Variants in RNLS observed in about 807,000 individuals in gnomAD.
RNLS encodes renalase.
RNLS carries 39 observed loss-of-function variants against 39.8 expected under a neutral mutation model. The observed-to-expected ratio is 0.98, with a 90% CI of 0.76 to 1.28. The LOEUF (loss-of-function observed/expected upper bound fraction) is 1.28. Ranked by LOEUF, RNLS falls within the 50% of genes most tolerant of loss-of-function variation. The pLI is 0.00. For synonymous variants in RNLS, 147 were observed against 150.7 expected, an observed-to-expected ratio of 0.98 and a Z score of 0.18; for missense variants, 410 against 413.3, an observed-to-expected ratio of 0.99 and a Z score of 0.07.
At chr10:88,307,152 GGTATT>G (rs1489157014) in intron 6 of RNLS, among the ~76,000 whole-genome samples, 2 of 152,112 alleles carry the variant, frequency 1.3e-5, no homozygotes, top group African/African-American at 4.8e-5. Context: ...CGATAAACTA[GGTATT>G]GAAGGAACAT....
In RNLS at chr10:88,314,517, C is replaced by T. The variant is rs201629674; in HGVS notation, c.825G>A (p.Pro275=). The part of the protein sequence containing the change: ...LVFQQLENIL[P]GLPQPIATKC... ...TGGTAGCAATTGGCTGAGGCAAACC[C>T]GGCAAAATGTTTTCCAGCTGCTGGA... The change falls in exon 6 of 7, where the codon CCG becomes CCA. Residue 275 remains proline (P), a synonymous_variant. Transcript: ENST00000331772. 2.0e-5 allele frequency: 33 copies of T among 1,613,802 alleles called. No homozygotes were observed. Among genetic ancestry groups the T allele is most frequent in the Middle Eastern group, 3.3e-4 (2 of 6,080 alleles).
intron 4 of RNLS, among the ~76,000 whole-genome samples, chr10:88,477,487 T>G (rs536735090): frequency 6.6e-6 from 1 of 152,198 alleles, no homozygotes; most frequent in Admixed American, 6.5e-5. Flanking sequence ...AGGATGATGG[T>G]GACAACAGCA....
the RNLS span, among the ~76,000 whole-genome samples, chr10:88,216,407 A>G: frequency 6.6e-6 from 1 of 152,188 alleles, no homozygotes; most frequent in Admixed American, 6.5e-5. Flanking sequence ...TTCATCTCTG[A>G]TTTTGTGTCT....
chr10:88,265,165 G>A, the RNLS span, among the ~76,000 whole-genome samples: 9 of 151,636 alleles, frequency 5.9e-5, no homozygotes, highest in East Asian at 1.9e-4. Context: ...TTTATTTCTG[G>A]GTTCGCTTTT....
chr10:88,315,296 C>T (rs1004256153), intron 5 of RNLS, among the ~76,000 whole-genome samples: 5 of 152,032 alleles, frequency 3.3e-5, no homozygotes, highest in East Asian at 1.9e-4. Flanking sequence ...GCTGTCTGTT[C>T]GTAATCACAA....
At chr10:88,407,970 T>C (rs773825555) in intron 4 of RNLS, among the ~76,000 whole-genome samples, 1 of 152,152 alleles carries the variant, frequency 6.6e-6, no homozygotes, top group Non-Finnish European at 1.5e-5. Flanking sequence ...ATTTTTAATG[T>C]ACTTGTCTTT....
chr10:88,320,894 G>A (rs915914908), intron 5 of RNLS, among the ~76,000 whole-genome samples: 2 of 147,604 alleles, frequency 1.4e-5, no homozygotes, highest in African/African-American at 5.0e-5. Context: ...ATAGAACACT[G>A]AGGCAGAAAA....
intron 4 of RNLS, among the ~76,000 whole-genome samples, chr10:88,435,072 T>C (rs1855385524): frequency 1.3e-5 from 2 of 151,952 alleles, no homozygotes; most frequent in Non-Finnish European, 2.9e-5. Context: ...AAATGTGCTG[T>C]GTACTTAGTG....
intron 5 of RNLS, among the ~76,000 whole-genome samples, chr10:88,335,477 C>T (rs983244904): frequency 1.3e-5 from 2 of 152,174 alleles, no homozygotes; most frequent in Non-Finnish European, 1.5e-5. Context: ...ACTTTAGCCT[C>T]TCAAAGTTTT....
At chr10:88,409,544 T>C (rs1436410064) in intron 4 of RNLS, among the ~76,000 whole-genome samples, 1 of 152,120 alleles carries the variant, frequency 6.6e-6, no homozygotes, top group Non-Finnish European at 1.5e-5. Context: ...AAGAAAACAG[T>C]TCTAGATTGC....
chr10:88,451,242 G>A (rs1256918825), intron 4 of RNLS, among the ~76,000 whole-genome samples: 1 of 152,192 alleles, frequency 6.6e-6, no homozygotes, highest in Non-Finnish European at 1.5e-5. Flanking sequence ...CTTTCCCTCT[G>A]CCTTCTGGTA....
chr10:88,311,257 T>C (rs1056232586), intron 6 of RNLS, among the ~76,000 whole-genome samples: 7 of 152,144 alleles, frequency 4.6e-5, no homozygotes, highest in African/African-American at 1.7e-4. Flanking sequence ...AGTATTACGG[T>C]TATCAAACTG....
At chr10:88,257,316 CATGTCAGGAGA>C in the RNLS span, among the ~76,000 whole-genome samples, 3 of 152,130 alleles carry the variant, frequency 2.0e-5, no homozygotes, top group Non-Finnish European at 4.4e-5. Flanking sequence ...AGACTCTTAC[CATGTCAGGAGA>C]ATGGTAGGAA....
chr10:88,422,231 A>G (rs1440294123), intron 4 of RNLS, among the ~76,000 whole-genome samples: 2 of 152,218 alleles, frequency 1.3e-5, no homozygotes, highest in Non-Finnish European at 2.9e-5. Context: ...ATTCCCTTAT[A>G]TCTTACCTTG....
At chr10:88,394,454 C>T (rs1852420040) in intron 4 of RNLS, among the ~76,000 whole-genome samples, 2 of 152,220 alleles carry the variant, frequency 1.3e-5, no homozygotes, top group South Asian at 2.1e-4. Flanking sequence ...TGCTCATCAT[C>T]ACTGGCCATC....
At chr10:88,496,446 C>A (rs1478494923) in intron 4 of RNLS, among the ~76,000 whole-genome samples, 2 of 152,152 alleles carry the variant, frequency 1.3e-5, no homozygotes, top group East Asian at 3.8e-4. Flanking sequence ...CTTCTTCAGA[C>A]ACTGAAATGC....
the RNLS span, among the ~76,000 whole-genome samples, chr10:88,242,935 G>A: frequency 1.4e-5 from 2 of 145,612 alleles, no homozygotes; most frequent in Non-Finnish European, 3.0e-5. Context: ...CAACAAGAGC[G>A]AAACTCTGTC....
In RNLS at chr10:88,296,469, T is replaced by A. The variant is rs143026490; in HGVS notation, c.877-10963A>T. Among the ~76,000 whole-genome samples the A allele has an allele frequency of 7.2e-5, 11 of 152,276 alleles. No individual in the cohort carries two copies. In the East Asian group the frequency reaches 2.1e-3, roughly 29 times the overall value. On this transcript the variant is annotated intron_variant, in intron 6 of 6. Transcript: ENST00000331772. ...GACATTTCTTTCTGGTTCTCATTCA[T>A]GTTAAATGGACTCAATGACTTTATA...
the RNLS span, among the ~76,000 whole-genome samples, chr10:88,198,853 G>A: frequency 6.6e-6 from 1 of 152,138 alleles, no homozygotes; most frequent in Non-Finnish European, 1.5e-5. Context: ...TTACAGCAGT[G>A]CAAGAACAAA....
Sources: gnomAD v4.1 joint callset for allele counts (sites outside exome capture counted in the v4.1 genomes callset) on GRCh38, gnomAD v4.1.1 for gene constraint, MANE v1.5 for transcripts, NCBI Gene and HGNC (gene_info 2026-07-23, HGNC 2026-07-21) for gene names.